The following GPR141 variants were observed in gnomAD, a reference collection of about 807,000 sequenced individuals.
GPR141 encodes probable G protein-coupled receptor 141.
A neutral mutation model predicts 6.8 loss-of-function variants in GPR141; 6 were observed. The ratio of observed to expected loss-of-function variants is 0.88; its 90% CI spans 0.48 to 1.74. The LOEUF (loss-of-function observed/expected upper bound fraction) is 1.74. GPR141 is among the 40% of genes most tolerant of loss of function. GPR141 has a pLI of 0.01. For missense variants in GPR141, 372 were observed against 372.9 expected (o/e 1.00, Z 0.02); for synonymous variants, 140 against 142.3 (o/e 0.98, Z 0.11).
chr7:37,708,776 A>G (rs1192002451), intron 2 of GPR141, among the ~76,000 whole-genome samples: 2 of 152,178 alleles, frequency 1.3e-5, no homozygotes, highest in Non-Finnish European at 2.9e-5. Flanking sequence ...TAAAGCACCC[A>G]TTTAAATAAG....
At chr7:37,686,570 C>T (rs935480661) in intron 2 of GPR141, among the ~76,000 whole-genome samples, 8 of 151,456 alleles carry the variant, frequency 5.3e-5, no homozygotes, top group African/African-American at 2.0e-4. Flanking sequence ...TATTTTAGAA[C>T]AGGGTTTGAC....
chr7:37,716,832 T>C (rs1811072463), intron 2 of GPR141, among the ~76,000 whole-genome samples: 1 of 152,262 alleles, frequency 6.6e-6, no homozygotes, highest in Admixed American at 6.5e-5. Flanking sequence ...CTCTTTTGCT[T>C]TAAAAGAAGA....
chr7:37,736,199 C>A (rs1162780574), intron 2 of GPR141, among the ~76,000 whole-genome samples: 1 of 151,712 alleles, frequency 6.6e-6, no homozygotes, highest in Non-Finnish European at 1.5e-5. Flanking sequence ...TTGCAGTGAG[C>A]CAAGATCGTG....
chr7:37,732,647 C>T (rs1327921240), intron 2 of GPR141, among the ~76,000 whole-genome samples: 2 of 152,136 alleles, frequency 1.3e-5, no homozygotes, highest in Non-Finnish European at 2.9e-5. Context: ...GATCATGGAA[C>T]TTGACCTCAA....
At chr7:37,719,291 G>A (rs1309975168) in intron 2 of GPR141, among the ~76,000 whole-genome samples, 1 of 152,062 alleles carries the variant, frequency 6.6e-6, no homozygotes, top group Non-Finnish European at 1.5e-5. Context: ...CAAAAGCCAG[G>A]GCTTTGTCAA....
Position 37,741,031 on chromosome 7 carries a change from A to C in GPR141, c.638A>C (p.His213Pro), listed in dbSNP as rs1812531464. 1 of 1,613,884 alleles carries C rather than the reference A, an allele frequency of 6.2e-7. No individual in the cohort carries two copies. The highest frequency in any genetic ancestry group is 1.7e-5 in the Admixed American group (1 of 59,970). ...ATGTTGATGGTGCAGAAGCTACGCC[A>C]CTCTTTACTATCCCACCAGGAGTTC... ...IIMLMVQKLR[H>P]SLLSHQEFWA... The change falls in exon 3 of 3, where the codon CAC (histidine) becomes CCC (proline). Residue 213 changes from histidine to proline, a missense_variant. Physicochemically the swap from His to Pro is moderately conservative, Grantham distance 77. Coordinates refer to ENST00000334425, the MANE Select transcript of GPR141 (RefSeq NM_001381946.1).
intron 2 of GPR141, among the ~76,000 whole-genome samples, chr7:37,710,714 C>A (rs762819895): frequency 2.6e-5 from 4 of 152,266 alleles, no homozygotes; most frequent in Non-Finnish European, 5.9e-5. Flanking sequence ...GTCTGAGTGC[C>A]AGGGACGCTT....
intron 2 of GPR141, among the ~76,000 whole-genome samples, chr7:37,702,840 A>T (rs1426556393): frequency 2.7e-5 from 4 of 150,330 alleles, no homozygotes; most frequent in Non-Finnish European, 4.4e-5. Flanking sequence ...AAATTAAAAA[A>T]AAAAGTCCCC....
chr7:37,698,698 T>C (rs1243048926), intron 2 of GPR141, among the ~76,000 whole-genome samples: 1 of 152,246 alleles, frequency 6.6e-6, no homozygotes, highest in Non-Finnish European at 1.5e-5. Context: ...TTTTTGTCTG[T>C]GCTTAGACAA....
intron 2 of GPR141, among the ~76,000 whole-genome samples, chr7:37,702,021 T>C (rs988125878): frequency 1.3e-5 from 2 of 152,210 alleles, no homozygotes; most frequent in Admixed American, 6.5e-5. Context: ...GCTTGTTTTG[T>C]AATAATGACA....
intron 2 of GPR141, among the ~76,000 whole-genome samples, chr7:37,722,075 C>A (rs917899007): frequency 3.9e-5 from 6 of 152,130 alleles, no homozygotes; most frequent in African/African-American, 1.4e-4. Context: ...AGCAACTTGG[C>A]ACTATTAATC....
intron 2 of GPR141, among the ~76,000 whole-genome samples, chr7:37,721,122 C>G (rs564077960): frequency 1.6e-3 from 247 of 150,082 alleles, no homozygotes; most frequent in African/African-American, 5.7e-3. Flanking sequence ...GTTGCTGTGA[C>G]CCTGTGATGT....
chr7:37,708,322 A>C (rs1473498606), intron 2 of GPR141, among the ~76,000 whole-genome samples: 1 of 151,106 alleles, frequency 6.6e-6, no homozygotes, highest in Non-Finnish European at 1.5e-5. Flanking sequence ...AAAAAAAAAA[A>C]AAAAAAAAAA....
chr7:37,713,763 G>A (rs1298884091), intron 2 of GPR141, among the ~76,000 whole-genome samples: 1 of 152,150 alleles, frequency 6.6e-6, no homozygotes, highest in Non-Finnish European at 1.5e-5. Context: ...ACGTGACTGA[G>A]ACGTTATTTC....
At chr7:37,737,248 T>C (rs1379708839) in intron 2 of GPR141, among the ~76,000 whole-genome samples, 3 of 152,222 alleles carry the variant, frequency 2.0e-5, no homozygotes. Context: ...AATTCCTGTG[T>C]TTATAATGTC....
chr7:37,735,763 G>A (rs1484631238), intron 2 of GPR141, among the ~76,000 whole-genome samples: 2 of 152,108 alleles, frequency 1.3e-5, no homozygotes, highest in East Asian at 1.9e-4. Context: ...TGTTCTTGAC[G>A]AGCCTTTTGA....
At chr7:37,727,168 G>A (rs912310654) in intron 2 of GPR141, among the ~76,000 whole-genome samples, 2 of 152,276 alleles carry the variant, frequency 1.3e-5, no homozygotes, top group African/African-American at 4.8e-5. Context: ...GTCTTTTCTA[G>A]TAGTTTAGCT....
At chr7:37,686,719 T>C (rs1329823108) in intron 2 of GPR141, among the ~76,000 whole-genome samples, 2 of 152,172 alleles carry the variant, frequency 1.3e-5, no homozygotes, top group East Asian at 3.8e-4. Context: ...CAGTAGTTGC[T>C]AAGTCCAAAG....
intron 2 of GPR141, among the ~76,000 whole-genome samples, chr7:37,711,626 A>T (rs1810800198): frequency 6.6e-6 from 1 of 152,222 alleles, no homozygotes; most frequent in Non-Finnish European, 1.5e-5. Flanking sequence ...CTCCAGACGA[A>T]TTTAAGCCAC....
Sources: gnomAD v4.1 joint callset for allele counts (sites outside exome capture counted in the v4.1 genomes callset) on GRCh38, gnomAD v4.1.1 for gene constraint, MANE v1.5 for transcripts, NCBI Gene and HGNC (gene_info 2026-07-23, HGNC 2026-07-21) for gene names.